The following ANKRD55 variants were observed in gnomAD, a reference collection of about 807,000 sequenced individuals.
ANKRD55 encodes ankyrin repeat domain-containing protein 55.
ANKRD55 carries 41 observed loss-of-function variants against 60.6 expected under a neutral mutation model. That is an observed-to-expected ratio of 0.68 (90% CI 0.53 to 0.88). The LOEUF is 0.88. Ranked by LOEUF, ANKRD55 falls within the 40% of genes least tolerant of loss-of-function variation. ANKRD55 has a pLI of 0.00. For missense variants in ANKRD55, 732 were observed against 767.6 expected, an observed-to-expected ratio of 0.95 and a Z score of 0.55; for synonymous variants, 264 against 290.3, an observed-to-expected ratio of 0.91 and a Z score of 0.92.
At chr5:56,113,594 G>A (rs160919) in intron 9 of ANKRD55, among the ~76,000 whole-genome samples, 50,909 of 151,894 alleles carry the variant, frequency 0.34, 9,078 homozygotes, top group African/African-American at 0.47. Context: ...CAGACAAACT[G>A]TGGTTATGTA....
chr5:56,192,640 G>T, intron 2 of ANKRD55: 2 of 845,098 alleles, frequency 2.4e-6, no homozygotes, highest in Non-Finnish European at 3.8e-6. Context: ...GTATTTTGTT[G>T]GGAGAAGAGG....
chr5:56,192,495 C>A (rs1581012717), intron 2 of ANKRD55: 2 of 259,276 alleles, frequency 7.7e-6, no homozygotes, highest in East Asian at 1.7e-4. Flanking sequence ...CTCTCTGCCC[C>A]CCAGGAGGGG....
At chr5:56,135,986 T>C (rs1221318079) in intron 7 of ANKRD55, among the ~76,000 whole-genome samples, 1 of 152,078 alleles carries the variant, frequency 6.6e-6, no homozygotes, top group Non-Finnish European at 1.5e-5. Context: ...AATAGTTAGG[T>C]ACAAATCTAA....
In ANKRD55 at chr5:56,224,215, G is replaced by A. The variant is rs369592839; in HGVS notation, c.58+8641C>T. ...AAACTGCTCAACTACATGGAAACTG[G>A]ACAACCTGCTCCTGAATGACTACTG... On this transcript the variant is annotated intron_variant, in intron 2 of 11. Coordinates refer to ENST00000341048, the MANE Select transcript of ANKRD55 (RefSeq NM_024669.3). Among the ~76,000 whole-genome samples the A allele has an allele frequency of 9.4e-4, 143 of 152,214 alleles. 3 individuals carry two copies. The Middle Eastern group carries it at 0.027, about 29-fold the overall frequency.
chr5:56,141,132 T>TG (rs1272487365), intron 7 of ANKRD55, among the ~76,000 whole-genome samples: 1 of 133,550 alleles, frequency 7.5e-6, no homozygotes, highest in East Asian at 2.0e-4. Context: ...CACACACAGT[T>TG]TTTTTTTTTT....
intron 7 of ANKRD55, among the ~76,000 whole-genome samples, chr5:56,138,110 T>C (rs113920997): frequency 0.052 from 7,727 of 149,948 alleles, 675 homozygotes; most frequent in African/African-American, 0.18. Flanking sequence ...TTGAAGACAG[T>C]TTGGTGGTTT....
At chr5:56,158,253 TTGCC>T (rs1411963122) in intron 6 of ANKRD55, among the ~76,000 whole-genome samples, 2 of 152,118 alleles carry the variant, frequency 1.3e-5, no homozygotes, top group Admixed American at 1.3e-4. Flanking sequence ...CCCCGCCCCC[TTGCC>T]TATGGTCACC....
At chr5:56,176,763 C>T (rs992531983) in intron 3 of ANKRD55, among the ~76,000 whole-genome samples, 3 of 152,158 alleles carry the variant, frequency 2.0e-5, no homozygotes, top group Admixed American at 1.3e-4. Flanking sequence ...TACTGAAATG[C>T]TTCTCTGTTT....
At position 56,122,614 on chromosome 5, in the gene ANKRD55, G is replaced by A. The variant is rs561199420; in HGVS notation, c.797+4308C>T. Among the ~76,000 whole-genome samples the A allele has an allele frequency of 3.1e-4, 47 of 152,108 alleles. 1 individual carries two copies. The South Asian group carries it at 7.1e-3, about 23-fold the overall frequency. ...GTGGAGGTTGCAGTGAGCTGAGATC[G>A]TGCCACTGCACTCCAGCCTGGGTGA... On this transcript the variant is annotated intron_variant, in intron 8 of 11. Transcript: ENST00000341048.
intron 7 of ANKRD55, among the ~76,000 whole-genome samples, chr5:56,135,961 C>T (rs1027177815): frequency 1.3e-5 from 2 of 152,042 alleles, no homozygotes; most frequent in African/African-American, 4.8e-5. Context: ...TTTACATTAG[C>T]ACCCCCCAAA....
chr5:56,175,044 G>C (rs528348098), intron 4 of ANKRD55, among the ~76,000 whole-genome samples: 1 of 152,212 alleles, frequency 6.6e-6, no homozygotes, highest in African/African-American at 2.4e-5. Context: ...AGCACCCCAA[G>C]GGATATTGAC....
chr5:56,189,912 C>A (rs753829703), intron 2 of ANKRD55, among the ~76,000 whole-genome samples: 1 of 152,168 alleles, frequency 6.6e-6, no homozygotes, highest in East Asian at 1.9e-4. Flanking sequence ...GTCTTCCAAA[C>A]GGCTGCACCA....
chr5:56,131,214 A>G (rs1442282945), intron 7 of ANKRD55, among the ~76,000 whole-genome samples: 3 of 152,132 alleles, frequency 2.0e-5, no homozygotes, highest in African/African-American at 4.8e-5. Flanking sequence ...TTATTTTCCA[A>G]TTACAGAAAA....
At position 56,135,324 on chromosome 5, in the gene ANKRD55, T is replaced by TTTCG. The variant is rs1561264079; in HGVS notation, c.613-8219_613-8218insCGAA. ...CTTTCTTTCTTTCTTTCTTTCTTTC[T>TTTCG]TTCTTTCTTTCTTTCTTTCTTTCTT... On this transcript the variant is annotated intron_variant, in intron 7 of 11. Coordinates refer to ENST00000341048, the MANE Select transcript of ANKRD55 (RefSeq NM_024669.3). Among the ~76,000 whole-genome samples, 44 of 16,004 alleles carry TTTCG rather than the reference T, an allele frequency of 2.7e-3. 1 individual carries two copies. The highest frequency in any genetic ancestry group is 0.02 in the African/African-American group (42 of 2,150). 10.5% of individuals were successfully genotyped at this position (16,004 alleles called of 152,430 possible).
chr5:56,166,192 TCC>T lies in ANKRD55; in HGVS notation c.422+4500_422+4501del, dbSNP rs1272224763. ...TTCCTTCCTTCCTTCCTTCCTTCCT[TCC>T]TTCCTTCTCTCTCTCTCTCTCTCTT... On this transcript the variant is annotated intron_variant, in intron 5 of 11. Coordinates refer to ENST00000341048, the MANE Select transcript of ANKRD55 (RefSeq NM_024669.3). Among the ~76,000 whole-genome samples the T allele has an allele frequency of 3.5e-3, 419 of 118,798 alleles. 31 individuals carry two copies. Among genetic ancestry groups the T allele is most frequent in the African/African-American group, 0.016 (394 of 24,286 alleles). The allele number at this position is 118,798 out of a possible 152,430, so 77.9% of individuals were successfully genotyped here.
intron 5 of ANKRD55, chr5:56,160,711 T>C (rs908346194): frequency 6.6e-6 from 1 of 152,240 alleles, no homozygotes; most frequent in Non-Finnish European, 1.5e-5. Flanking sequence ...CTTTGTAAAA[T>C]ACACACATGC....
intron 2 of ANKRD55, among the ~76,000 whole-genome samples, chr5:56,201,529 GATTCTGGCACTGCCACTT>G (rs1203958254): frequency 6.6e-6 from 1 of 152,206 alleles, no homozygotes; most frequent in Non-Finnish European, 1.5e-5. Context: ...TCTAGAGTCT[GATTCTGGCACTGCCACTT>G]ACCTGCTAGC....
At chr5:56,105,309 A>C (rs908787431) in intron 10 of ANKRD55, among the ~76,000 whole-genome samples, 1 of 150,492 alleles carries the variant, frequency 6.6e-6, no homozygotes, top group Admixed American at 6.6e-5. Flanking sequence ...CTGATCTTGA[A>C]CTCCTGACCT....
At chr5:56,106,348 G>C (rs1483614615) in intron 10 of ANKRD55, among the ~76,000 whole-genome samples, 1 of 148,000 alleles carries the variant, frequency 6.8e-6, no homozygotes, top group Admixed American at 6.7e-5. Flanking sequence ...GTGTAGTGCA[G>C]AAGCCTCAGT....
Sources: allele counts gnomAD v4.1 joint callset (sites outside exome capture counted in the v4.1 genomes callset), GRCh38; gene constraint gnomAD v4.1.1; transcripts MANE v1.5; gene names NCBI Gene and HGNC (gene_info 2026-07-23, HGNC 2026-07-21).